Variants in C16orf96 observed in about 807,000 individuals in gnomAD.
The protein encoded by C16orf96 is uncharacterized protein C16orf96.
In C16orf96, 108 loss-of-function variants were observed where a neutral mutation model predicts 103.6. The observed-to-expected ratio is 1.04, with a 90% confidence interval of 0.89 to 1.22. The LOEUF (loss-of-function observed/expected upper bound fraction) is 1.22. C16orf96 is among the 50% of genes most tolerant of loss of function. The pLI, the probability that C16orf96 is intolerant of heterozygous loss-of-function variation, is 0.00. For missense variants in C16orf96, 1,586 were observed against 1,464.2 expected, an observed-to-expected ratio of 1.08 and a Z score of -1.36; for synonymous variants, 566 against 593.5, an observed-to-expected ratio of 0.95 and a Z score of 0.67.
At chr16:4,571,832 C>T (rs1050417009) in intron 2 of C16orf96, among the ~76,000 whole-genome samples, 167 bp downstream of exon 2, 3 of 151,446 alleles carry the variant, frequency 2.0e-5, no homozygotes, top group African/African-American at 4.8e-5. Context: ...TCTCTGTGAC[C>T]CCTCCATGCT....
intron 10 of C16orf96, 21 bp downstream of exon 10, chr16:4,591,805 C>T (rs1897065832): frequency 6.9e-7 from 1 of 1,457,302 alleles, no homozygotes; most frequent in African/African-American, 1.5e-5. Context: ...GCCCGAGCCC[C>T]TCCTGGTAGG....
rs1897139260 is a variant in C16orf96 at position 4,594,892 on chromosome 16, C to T, written c.3127+89C>T. ...AGAGGGTGCAGGTGGGGCCCAGAGCCAGCACTATCCCTGACCGGGGAGTCC... is the reference window on the plus strand; with the variant it reads ...AGAGGGTGCAGGTGGGGCCCAGAGCTAGCACTATCCCTGACCGGGGAGTCC... On this transcript the variant is annotated intron_variant, in intron 14 of 15. Coordinates refer to ENST00000444310, the MANE Select transcript of C16orf96 (RefSeq NM_001145011.2). 5.2e-6 allele frequency: 7 copies of T among 1,357,828 alleles called. No individual in the cohort carries two copies. The South Asian group carries it at 6.5e-5, about 13-fold the overall frequency. The allele number at this position is 1,357,828 out of a possible 1,614,324, so 84.1% of individuals were successfully genotyped here. A position where few individuals can be genotyped will look rare whatever the true frequency, so the allele number is the denominator to read the frequency against.
the C16orf96 span, among the ~76,000 whole-genome samples, chr16:4,550,164 A>G: frequency 6.6e-6 from 1 of 150,724 alleles, no homozygotes; most frequent in Non-Finnish European, 1.5e-5. Flanking sequence ...AGCTCACTGC[A>G]ACCTCTGCCT....
At chr16:4,538,984 T>A in the C16orf96 span, among the ~76,000 whole-genome samples, 1 of 152,176 alleles carries the variant, frequency 6.6e-6, no homozygotes, top group Non-Finnish European at 1.5e-5. Context: ...ACCGTCCCTG[T>A]GAGCGCCTCC....
chr16:4,543,801 C>G, the C16orf96 span, among the ~76,000 whole-genome samples: 3 of 151,808 alleles, frequency 2.0e-5, no homozygotes, highest in African/African-American at 7.3e-5. Flanking sequence ...ACCATCACAA[C>G]TGGCTAATTT....
chr16:4,556,436 C>T lies in C16orf96; in HGVS notation c.-54C>T. On this transcript the variant is annotated 5_prime_UTR_variant, in exon 1 of 16. Transcript: ENST00000444310. Reference sequence around the variant, plus strand: ...AGCTCTCGGAACCACTGAAAGCTACCCCTTGTCCTTGAGGACACCTGGAAC... The same window carrying T: ...AGCTCTCGGAACCACTGAAAGCTACTCCTTGTCCTTGAGGACACCTGGAAC... 2 of 1,468,846 alleles carry T rather than the reference C, an allele frequency of 1.4e-6. No individual in the cohort carries two copies. Among genetic ancestry groups the T allele is most frequent in the Non-Finnish European group, 9.1e-7 (1 of 1,101,966 alleles). The allele number at this position is 1,468,846 out of a possible 1,614,324, so 91.0% of individuals were successfully genotyped here.
At chr16:4,578,681 C>A (rs2141727840) in intron 5 of C16orf96, among the ~76,000 whole-genome samples, 1 of 152,136 alleles carries the variant, frequency 6.6e-6, no homozygotes, top group African/African-American at 2.4e-5. Context: ...TTGCTTAAAC[C>A]CAGGAGGCGG....
Position 4,556,670 on chromosome 16 carries a change from A to T in C16orf96, c.181A>T (p.Met61Leu). 1 of 1,551,474 alleles carries T rather than the reference A, an allele frequency of 6.4e-7. No homozygotes were observed. The highest frequency in any genetic ancestry group is 8.7e-7 in the Non-Finnish European group (1 of 1,146,780). Reference protein sequence around the residue: ...DFLQTSQVVIMPREGDAQPIL... With the variant: ...DFLQTSQVVILPREGDAQPIL... ...CCTGCAGACCTCGCAGGTGGTCATC[A>T]TGCCCAGGGAAGGAGACGCCCAGCC... Residue 61 changes from methionine (M) to leucine (L), a missense_variant, in exon 1 of 16, where the codon ATG becomes TTG. Physicochemically the swap from Met to Leu is conservative, Grantham distance 15 (BLOSUM62 2). Coordinates refer to ENST00000444310, the MANE Select transcript of C16orf96 (RefSeq NM_001145011.2).
chr16:4,575,085 G>T, intron 4 of C16orf96, 27 bp downstream of exon 4: 1 of 1,550,918 alleles, frequency 6.4e-7, no homozygotes, highest in Non-Finnish European at 8.7e-7. Context: ...GGGGAGGTTA[G>T]CAGGAAGCTG....
chr16:4,578,373 T>G (rs900170754), intron 5 of C16orf96, among the ~76,000 whole-genome samples: 6 of 151,982 alleles, frequency 3.9e-5, no homozygotes, highest in African/African-American at 1.4e-4. Context: ...AAACTCCTGA[T>G]CCCAGGTGAT....
At chr16:4,549,242 A>T in the C16orf96 span, among the ~76,000 whole-genome samples, 1 of 152,096 alleles carries the variant, frequency 6.6e-6, no homozygotes, top group Non-Finnish European at 1.5e-5. Context: ...TGGGAGGCCA[A>T]GGTGGGTGGA....
chr16:4,582,871 C>T (rs1215417465), intron 7 of C16orf96, among the ~76,000 whole-genome samples: 4 of 152,182 alleles, frequency 2.6e-5, no homozygotes, highest in African/African-American at 7.2e-5. Context: ...AGCCCTGCCA[C>T]GTGTGCCAAA....
chr16:4,568,295 A>G (rs2059402577), intron 1 of C16orf96, among the ~76,000 whole-genome samples: 1 of 152,120 alleles, frequency 6.6e-6, no homozygotes, highest in Non-Finnish European at 1.5e-5. Flanking sequence ...GGCTTGTTTT[A>G]TGGCTTTACC....
chr16:4,543,866 T>G, the C16orf96 span, among the ~76,000 whole-genome samples: 3 of 152,180 alleles, frequency 2.0e-5, no homozygotes, highest in East Asian at 3.9e-4. Flanking sequence ...GGTCTCAAAC[T>G]CCTGACTTCA....
chr16:4,581,139 TAC>T (rs1449404156), intron 7 of C16orf96, among the ~76,000 whole-genome samples: 23 of 77,410 alleles, frequency 3.0e-4, no homozygotes, highest in African/African-American at 1.0e-3. Flanking sequence ...TATATATGTA[TAC>T]ATATATATAT....
chr16:4,575,519 G>A lies in C16orf96; in HGVS notation c.1039G>A (p.Val347Met), dbSNP rs568319102. 1.3e-6 allele frequency: 2 copies of A among 1,546,504 alleles called. No individual in the cohort carries two copies. The highest frequency in any genetic ancestry group is 2.7e-5 in the African/African-American group (2 of 73,158). The change falls in exon 5 of 16, where the codon GTG (valine) becomes ATG (methionine). Residue 347 changes from valine (V) to methionine (M), a missense_variant. Physicochemically the swap from Val to Met is conservative, Grantham distance 21. Coordinates refer to ENST00000444310, the MANE Select transcript of C16orf96 (RefSeq NM_001145011.2). Reference protein sequence around the residue: ...GLELGLELEPVPALGPVPGPS... With the variant: ...GLELGLELEPMPALGPVPGPS... ...GGAGCTGGGGCTGGAGCTGGAGCCT[G>A]TGCCTGCCCTGGGGCCTGTCCCAGG...
intron 3 of C16orf96, 40 bp downstream of exon 3, chr16:4,574,829 G>T: frequency 6.5e-7 from 1 of 1,545,552 alleles, no homozygotes; most frequent in South Asian, 1.2e-5. Context: ...CTCCCCCTGG[G>T]ACCCCCCAAC....
intron 1 of C16orf96, among the ~76,000 whole-genome samples, chr16:4,565,443 C>T (rs1020415347): frequency 6.6e-6 from 1 of 152,240 alleles, no homozygotes; most frequent in Admixed American, 6.5e-5. Flanking sequence ...CCTCTCACTG[C>T]ATATCACACA....
chr16:4,572,460 C>G (rs546923940), intron 2 of C16orf96, among the ~76,000 whole-genome samples: 2 of 151,754 alleles, frequency 1.3e-5, no homozygotes, highest in African/African-American at 4.8e-5. Flanking sequence ...CCCCCATGCC[C>G]GGCTAATTTT....
Sources: gnomAD v4.1 joint callset for allele counts (sites outside exome capture counted in the v4.1 genomes callset) on GRCh38, gnomAD v4.1.1 for gene constraint, MANE v1.5 for transcripts, NCBI Gene and HGNC (gene_info 2026-07-23, HGNC 2026-07-21) for gene names.